Variants in KCNMB4 observed in about 807,000 individuals in gnomAD.
The protein encoded by KCNMB4 is potassium calcium-activated channel subfamily M regulatory beta subunit 4.
KCNMB4 carries 3 observed loss-of-function variants against 20.7 expected under a neutral mutation model. The ratio of observed to expected loss-of-function variants is 0.14; its 90% confidence interval spans 0.07 to 0.37. The LOEUF (loss-of-function observed/expected upper bound fraction) is 0.37. Among genes scored for constraint, KCNMB4 ranks in the 10% least tolerant of loss-of-function variants. The probability of loss-of-function intolerance (pLI) is 1.00; values close to 1 mark genes in which losing one functional copy is unlikely to be tolerated. For synonymous variants in KCNMB4, 110 were observed against 113.4 expected (o/e 0.97, Z 0.19); for missense variants, 168 against 265.9 (o/e 0.63, Z 2.56).
chr12:70,372,458 G>T (rs1281833165), intron 1 of KCNMB4, among the ~76,000 whole-genome samples: 1 of 152,216 alleles, frequency 6.6e-6, no homozygotes, highest in Non-Finnish European at 1.5e-5. Flanking sequence ...AAGTCCTGTA[G>T]GACAGGCAAA....
intron 2 of KCNMB4, among the ~76,000 whole-genome samples, chr12:70,407,067 C>T (rs74104031): frequency 0.014 from 2,072 of 152,204 alleles, 43 homozygotes; most frequent in African/African-American, 0.047. Context: ...CAAGATGACC[C>T]CCACTTCAGA....
At chr12:70,389,429 C>T (rs1868282433) in intron 1 of KCNMB4, among the ~76,000 whole-genome samples, 1 of 152,176 alleles carries the variant, frequency 6.6e-6, no homozygotes, top group Non-Finnish European at 1.5e-5. Context: ...CATGGTGGCT[C>T]ACGCCTGGGA....
intron 2 of KCNMB4, among the ~76,000 whole-genome samples, chr12:70,429,057 T>G (rs969332804): frequency 3.9e-5 from 6 of 152,220 alleles, no homozygotes; most frequent in African/African-American, 7.2e-5. Flanking sequence ...TCTGTAAAAC[T>G]ATTTATGTTA....
At chr12:70,429,758 A>G (rs1271199956) in intron 2 of KCNMB4, among the ~76,000 whole-genome samples, 2 of 152,094 alleles carry the variant, frequency 1.3e-5, no homozygotes, top group Non-Finnish European at 2.9e-5. Flanking sequence ...AGCACATCTC[A>G]TCTTCACTTT....
chr12:70,383,689 G>T (rs1052538794), intron 1 of KCNMB4, among the ~76,000 whole-genome samples: 1 of 152,170 alleles, frequency 6.6e-6, no homozygotes, highest in Non-Finnish European at 1.5e-5. Flanking sequence ...GCCTGCAGTT[G>T]CATCACTCCA....
intron 2 of KCNMB4, among the ~76,000 whole-genome samples, chr12:70,404,936 TGAG>T (rs1039516930): frequency 1.2e-4 from 18 of 151,772 alleles, no homozygotes; most frequent in African/African-American, 4.1e-4. Context: ...ACATTTAGAG[TGAG>T]GAGGGAAATG....
In KCNMB4 at chr12:70,366,294, A is replaced by G. The variant is rs1883485247; in HGVS notation, c.-441A>G. 7.0e-6 allele frequency: 1 copy of G among 143,684 alleles called. No individual in the cohort carries two copies. 8.9% of individuals were successfully genotyped at this position (143,684 alleles called of 1,614,324 possible). On this transcript the variant is annotated 5_prime_UTR_variant, in exon 1 of 3. Coordinates refer to ENST00000258111, the MANE Select transcript of KCNMB4 (RefSeq NM_014505.6). ...CCCCCGGGCTCGCCCCAGCTCAGAC[A>G]CTCCTAGCCTTGGGGCAGCTGCCGG...
intron 2 of KCNMB4, among the ~76,000 whole-genome samples, chr12:70,413,468 C>T (rs1868836624): frequency 6.6e-6 from 1 of 151,848 alleles, no homozygotes; most frequent in Non-Finnish European, 1.5e-5. Flanking sequence ...CAGGGCTGTG[C>T]GTCAGGAGAC....
At chr12:70,418,671 AATGTTTCTTGACCTCCTTTTAAATGCC>A (rs1868973221) in intron 2 of KCNMB4, among the ~76,000 whole-genome samples, 2 of 152,146 alleles carry the variant, frequency 1.3e-5, no homozygotes, top group Non-Finnish European at 1.5e-5. Context: ...TCATGAGGAA[AATGTTTCTTGACCTCCTTTTAAATGCC>A]ATATTTCATC....
At chr12:70,384,628 T>A (rs746092300) in intron 1 of KCNMB4, among the ~76,000 whole-genome samples, 4 of 152,198 alleles carry the variant, frequency 2.6e-5, no homozygotes, top group Admixed American at 6.5e-5. Flanking sequence ...CTCATGCCTG[T>A]AATCCCAACA....
At chr12:70,413,225 G>T (rs905625632) in intron 2 of KCNMB4, among the ~76,000 whole-genome samples, 16 of 152,206 alleles carry the variant, frequency 1.1e-4, no homozygotes, top group African/African-American at 3.4e-4. Context: ...ACATTTGAGA[G>T]TCTGTTTTCT....
chr12:70,378,802 G>T (rs1883733155), intron 1 of KCNMB4, among the ~76,000 whole-genome samples: 1 of 152,164 alleles, frequency 6.6e-6, no homozygotes, highest in Non-Finnish European at 1.5e-5. Flanking sequence ...CTCCCAAAAT[G>T]CTGGGATTAC....
chr12:70,403,532 C>T (rs746384744), intron 2 of KCNMB4, among the ~76,000 whole-genome samples: 6 of 152,184 alleles, frequency 3.9e-5, no homozygotes, highest in African/African-American at 4.8e-5. Context: ...CGGGGTTTCA[C>T]CATGTTAGCC....
intron 1 of KCNMB4, among the ~76,000 whole-genome samples, chr12:70,381,516 C>G (rs1362893671): frequency 6.6e-6 from 1 of 152,074 alleles, no homozygotes; most frequent in Non-Finnish European, 1.5e-5. Flanking sequence ...ATGAAATATG[C>G]TAATTCATAC....
chr12:70,430,382 C>A, intron 2 of KCNMB4, 103 bp from the exon 3 acceptor site: 1 of 1,219,394 alleles, frequency 8.2e-7, no homozygotes, highest in Non-Finnish European at 1.2e-6. Context: ...CCTTTACTTT[C>A]AATAATGGTT....
chr12:70,397,553 A>C (rs555370701), intron 1 of KCNMB4, among the ~76,000 whole-genome samples: 1 of 152,298 alleles, frequency 6.6e-6, no homozygotes, highest in South Asian at 2.1e-4. Context: ...ACTTTCCAAA[A>C]AAGCAAGAAT....
At chr12:70,385,192 A>G (rs538941536) in intron 1 of KCNMB4, among the ~76,000 whole-genome samples, 7 of 152,128 alleles carry the variant, frequency 4.6e-5, no homozygotes, top group Non-Finnish European at 1.0e-4. Flanking sequence ...ACAAATGTTT[A>G]TTGGGTATCT....
chr12:70,373,593 T>A (rs1883635996), intron 1 of KCNMB4, among the ~76,000 whole-genome samples: 1 of 152,212 alleles, frequency 6.6e-6, no homozygotes, highest in African/African-American at 2.4e-5. Flanking sequence ...GATAATAAAT[T>A]TGTGCCATTT....
intron 2 of KCNMB4, among the ~76,000 whole-genome samples, chr12:70,419,892 A>G (rs747897996): frequency 1.3e-5 from 2 of 152,038 alleles, no homozygotes; most frequent in Non-Finnish European, 2.9e-5. Context: ...GTGGAGATCT[A>G]CCTAGGCAAA....
Sources: gnomAD v4.1 joint callset for allele counts (sites outside exome capture counted in the v4.1 genomes callset) on GRCh38, gnomAD v4.1.1 for gene constraint, MANE v1.5 for transcripts, NCBI Gene and HGNC (gene_info 2026-07-23, HGNC 2026-07-21) for gene names.